MTA3: variants seen among roughly 807,000 people sequenced by gnomAD.
The protein encoded by MTA3 is metastasis associated 1 family member 3.
In MTA3, 34 loss-of-function variants were observed where a neutral mutation model predicts 83.5. The observed-to-expected ratio is 0.41, with a 90% CI of 0.31 to 0.54. The LOEUF (loss-of-function observed/expected upper bound fraction) is 0.54. Ranked by LOEUF, MTA3 falls within the 20% of genes least tolerant of loss-of-function variation. The probability of loss-of-function intolerance (pLI) is 0.33; values close to 1 mark genes in which losing one functional copy is unlikely to be tolerated. For synonymous variants in MTA3, 303 were observed against 252.7 expected (o/e 1.20, Z -1.89); for missense variants, 761 against 726.4 (o/e 1.05, Z -0.55).
intron 11 of MTA3, among the ~76,000 whole-genome samples, chr2:42,700,668 C>G (rs1354786311): frequency 6.6e-5 from 10 of 152,122 alleles, no homozygotes. Flanking sequence ...GAAATCAGTT[C>G]TATCTATATA....
intron 3 of MTA3, among the ~76,000 whole-genome samples, chr2:42,587,122 G>A (rs1286969650): frequency 6.6e-6 from 1 of 152,160 alleles, no homozygotes; most frequent in Non-Finnish European, 1.5e-5. Context: ...GAACCCAGGA[G>A]GCGGAGGTTG....
intron 7 of MTA3, among the ~76,000 whole-genome samples, chr2:42,657,870 G>C (rs1573504414): frequency 1.3e-5 from 2 of 151,110 alleles, no homozygotes; most frequent in South Asian, 2.1e-4. Context: ...AGGAGGTCAA[G>C]ACTAGCCTGG....
At chr2:42,540,208 C>G (rs1434577882) in intron 2 of MTA3, among the ~76,000 whole-genome samples, 1 of 144,868 alleles carries the variant, frequency 6.9e-6, no homozygotes, top group Non-Finnish European at 1.5e-5. Flanking sequence ...GGGTCTCACT[C>G]TGTCACTCAG....
intron 8 of MTA3, among the ~76,000 whole-genome samples, chr2:42,676,194 C>T (rs1234211165): frequency 6.6e-6 from 1 of 152,106 alleles, no homozygotes; most frequent in African/African-American, 2.4e-5. Context: ...TTCAGGAACA[C>T]AAACTAAACA....
chr2:42,698,088 C>T (rs761604348), intron 11 of MTA3, among the ~76,000 whole-genome samples: 11 of 152,098 alleles, frequency 7.2e-5, no homozygotes, highest in Non-Finnish European at 1.6e-4. Flanking sequence ...GCAGGGAAAG[C>T]GTCAGAAAAC....
intron 4 of MTA3, among the ~76,000 whole-genome samples, chr2:42,636,661 C>A (rs1194614346): frequency 6.7e-6 from 1 of 148,630 alleles, no homozygotes; most frequent in African/African-American, 2.5e-5. Flanking sequence ...GGGGTTTCGC[C>A]CTGTCACCAG....
At chr2:42,688,419 G>A (rs1692582465) in intron 9 of MTA3, among the ~76,000 whole-genome samples, 1 of 152,136 alleles carries the variant, frequency 6.6e-6, no homozygotes, top group Admixed American at 6.6e-5. Flanking sequence ...CATTATAATA[G>A]GTTTGTAGTA....
At chr2:42,721,979 A>C (rs1275554994) in intron 15 of MTA3, among the ~76,000 whole-genome samples, 1 of 152,208 alleles carries the variant, frequency 6.6e-6, no homozygotes, top group Admixed American at 6.5e-5. Context: ...GAGCTGTAGT[A>C]ATTCTAACAA....
At chr2:42,688,377 C>T (rs1025441260) in intron 9 of MTA3, among the ~76,000 whole-genome samples, 4 of 152,204 alleles carry the variant, frequency 2.6e-5, no homozygotes, top group African/African-American at 4.8e-5. Context: ...AGCCACTGCA[C>T]CTGACACATT....
upstream of MTA3, among the ~76,000 whole-genome samples, chr2:42,567,708 T>C (rs533183258): frequency 6.6e-6 from 1 of 151,934 alleles, no homozygotes; most frequent in African/African-American, 2.4e-5. Context: ...GTTTAGAGAA[T>C]TGGCCTGGGA....
At chr2:42,497,455 C>T (rs776991317) in intron 2 of MTA3, among the ~76,000 whole-genome samples, 5 of 151,638 alleles carry the variant, frequency 3.3e-5, no homozygotes, top group Non-Finnish European at 7.4e-5. Flanking sequence ...CGTGGTGGTG[C>T]GCCCCTGTAA....
intron 8 of MTA3, among the ~76,000 whole-genome samples, chr2:42,671,629 A>AT (rs953019551): frequency 6.6e-6 from 1 of 152,152 alleles, no homozygotes; most frequent in Non-Finnish European, 1.5e-5. Flanking sequence ...AGTATGTAGT[A>AT]TTTTTATTAT....
chr2:42,497,059 A>C (rs1188978341), intron 2 of MTA3, among the ~76,000 whole-genome samples: 1 of 152,068 alleles, frequency 6.6e-6, no homozygotes, highest in Non-Finnish European at 1.5e-5. Flanking sequence ...TCAAAAAATT[A>C]GCCAGGCATG....
intron 12 of MTA3, among the ~76,000 whole-genome samples, chr2:42,705,709 C>G (rs188045046): frequency 6.6e-6 from 1 of 151,856 alleles, no homozygotes; most frequent in Non-Finnish European, 1.5e-5. Flanking sequence ...TCGTCTCCCC[C>G]CCGCCCCCAA....
intron 2 of MTA3, among the ~76,000 whole-genome samples, chr2:42,549,325 ATATACG>A (rs1391073673): frequency 3.1e-5 from 4 of 127,130 alleles, no homozygotes; most frequent in African/African-American, 1.2e-4. Flanking sequence ...ATAATATATT[ATATACG>A]TATACGTATA....
intron 4 of MTA3, among the ~76,000 whole-genome samples, chr2:42,636,008 A>T (rs938535491): frequency 1.3e-5 from 2 of 152,058 alleles, no homozygotes; most frequent in East Asian, 3.9e-4. Context: ...AGCTCAGGCA[A>T]TCTGCCCGCC....
At chr2:42,705,709 C>T (rs188045046) in intron 12 of MTA3, among the ~76,000 whole-genome samples, 16 of 151,972 alleles carry the variant, frequency 1.1e-4, no homozygotes, top group Non-Finnish European at 1.6e-4. Context: ...TCGTCTCCCC[C>T]CCGCCCCCAA....
At chr2:42,607,088 G>C (rs867579100) in intron 3 of MTA3, among the ~76,000 whole-genome samples, 5 of 132,754 alleles carry the variant, frequency 3.8e-5, no homozygotes, top group Non-Finnish European at 7.8e-5. Flanking sequence ...GTAGGGGTAG[G>C]GGTAGGGGTA....
chr2:42,685,545 T>C (rs1692298145), intron 9 of MTA3, among the ~76,000 whole-genome samples: 1 of 152,222 alleles, frequency 6.6e-6, no homozygotes, highest in Non-Finnish European at 1.5e-5. Context: ...AGGGTGCCTT[T>C]AGTACGAAAT....
Sources: gnomAD v4.1 joint callset for allele counts (sites outside exome capture counted in the v4.1 genomes callset) on GRCh38, gnomAD v4.1.1 for gene constraint, MANE v1.5 for transcripts, NCBI Gene and HGNC (gene_info 2026-07-23, HGNC 2026-07-21) for gene names.